Variants in KRT6B observed in about 807,000 individuals in gnomAD.
KRT6B encodes the protein keratin 6B, also known as keratin, type II cytoskeletal 6B.
In KRT6B, 29 loss-of-function variants were observed where a neutral mutation model predicts 44.7. The observed-to-expected ratio is 0.65, with a 90% CI of 0.48 to 0.88. The LOEUF is 0.88. KRT6B is among the 40% of genes least tolerant of loss of function. KRT6B has a pLI of 0.00. For synonymous variants in KRT6B, 213 were observed against 296.0 expected, an observed-to-expected ratio of 0.72 and a Z score of 2.88; for missense variants, 600 against 724.0, an observed-to-expected ratio of 0.83 and a Z score of 1.97.
intron 5 of KRT6B, 99 bp downstream of exon 5, chr12:52,449,370 C>A: frequency 1.3e-6 from 2 of 1,562,696 alleles, no homozygotes; most frequent in Admixed American, 1.7e-5. Flanking sequence ...GAGAGGACCC[C>A]AGCTTCCTGT....
chr12:52,446,858 C>T lies in KRT6B; in HGVS notation c.*332G>A, dbSNP rs1205433505. On this transcript the variant is annotated 3_prime_UTR_variant, in exon 9 of 9. Coordinates refer to ENST00000252252, the MANE Select transcript of KRT6B (RefSeq NM_005555.4). The stretch of plus-strand genomic sequence containing the variant: ...ATGGTTAGCAATTAAAGAGAGGACT[C>T]CTCATCTGCAGCTGGACCTAGACTG... 2 of 393,908 alleles carry T rather than the reference C, an allele frequency of 5.1e-6. No individual in the cohort carries two copies. Among genetic ancestry groups the T allele is most frequent in the African/African-American group, 2.0e-5 (1 of 49,456 alleles). 24.4% of individuals were successfully genotyped at this position (393,908 alleles called of 1,614,324 possible).
rs371758517 is a variant in KRT6B at position 52,447,206 on chromosome 12, T to C, written c.1679A>G (p.Lys560Arg). Residue 560 changes from lysine to arginine, a missense_variant, in exon 9 of 9, where the codon AAG becomes AGG. Around this residue, in one of 4 missense-constraint regions of KRT6B, gnomAD observed 479 missense variants for 454.2 expected, o/e 1.05. Transcript: ENST00000252252. ...KYTTTSSSSRKSYKH is the reference protein window; with the variant it reads ...KYTTTSSSSRRSYKH The stretch of plus-strand genomic sequence containing the variant: ...GGCAGCACTTCAGTGCTTGTAGCTC[T>C]TCCTGCTGGAGGAGGAGGTGGTGGT... 1 of 1,614,124 alleles carries C rather than the reference T, an allele frequency of 6.2e-7. No homozygotes were observed. Among genetic ancestry groups the C allele is most frequent in the Non-Finnish European group, 8.5e-7 (1 of 1,179,996 alleles).
Position 52,447,204 on chromosome 12 carries a change from T to C in KRT6B, c.1681A>G (p.Ser561Gly), listed in dbSNP as rs1164262924. ...YTTTSSSSRK[S>G]YKH Reference sequence around the variant, plus strand: ...GCGGCAGCACTTCAGTGCTTGTAGCTCTTCCTGCTGGAGGAGGAGGTGGTG... The same window carrying C: ...GCGGCAGCACTTCAGTGCTTGTAGCCCTTCCTGCTGGAGGAGGAGGTGGTG... Residue 561 changes from serine to glycine, a missense_variant, in exon 9 of 9, where the codon AGC becomes GGC. This residue lies in a region of KRT6B where 479 missense variants were observed against 454.2 expected (regional missense o/e 1.05). Transcript: ENST00000252252. The C allele has an allele frequency of 1.9e-6, 3 of 1,614,082 alleles. No homozygotes were observed. The highest frequency in any genetic ancestry group is 1.7e-4 in the Middle Eastern group (1 of 6,048).
rs373180894 is a variant in KRT6B at position 52,449,460 on chromosome 12, C to T, written c.1077+9G>A. 6.6e-5 allele frequency: 106 copies of T among 1,614,222 alleles called. No individual in the cohort carries two copies. In the African/African-American group the frequency reaches 7.3e-4, roughly 11 times the overall value. ...AGGATTCCTCAGCGGCTGTCCACTC[C>T]GTGCTCACCTTTGTCTGGTACCAGG... On this transcript the variant is annotated intron_variant, in intron 5 of 8. Transcript: ENST00000252252.
At chr12:52,450,778 C>G (rs1334258732) in intron 1 of KRT6B, among the ~76,000 whole-genome samples, 158 bp from the exon 2 acceptor site, 1 of 152,238 alleles carries the variant, frequency 6.6e-6, no homozygotes, top group Admixed American at 6.5e-5. Context: ...AACTCCTTCT[C>G]CTTTGCACCC....
At chr12:52,447,716 G>A in intron 7 of KRT6B, 62 bp downstream of exon 7, 2 of 1,614,126 alleles carry the variant, frequency 1.2e-6, no homozygotes, top group Non-Finnish European at 1.7e-6. Context: ...TTAAAGTTGT[G>A]CTCAGTGCCA....
chr12:52,452,059 G>A lies in KRT6B; in HGVS notation c.20C>T (p.Thr7Ile), dbSNP rs759200378. 3 of 1,614,166 alleles carry A rather than the reference G, an allele frequency of 1.9e-6. No individual in the cohort carries two copies. The Admixed American group carries it at 5.0e-5, about 27-fold the overall frequency. The change falls in exon 1 of 9, where the codon ACC becomes ATC. Residue 7 changes from threonine to isoleucine, a missense_variant. This residue lies in a region of KRT6B where 78 missense variants were observed against 97.5 expected (regional missense o/e 0.80). Coordinates refer to ENST00000252252, the MANE Select transcript of KRT6B (RefSeq NM_005555.4). ...GCGGCTGCTGCTGTGGCTCCTGATG[G>A]TGGTGGATGTGCTGGCCATGGTTCC... MASTSTTIRSHSSSRRG... is the reference protein window; with the variant it reads MASTSTIIRSHSSSRRG...
intron 1 of KRT6B, among the ~76,000 whole-genome samples, chr12:52,450,959 G>A (rs1172836131): frequency 6.6e-6 from 1 of 151,958 alleles, no homozygotes; most frequent in African/African-American, 2.4e-5. Context: ...TTTTTTTACC[G>A]AGAGGATCTT....
At chr12:52,449,321 G>A (rs577727096) in intron 5 of KRT6B, 148 bp downstream of exon 5, 52 of 1,315,508 alleles carry the variant, frequency 4.0e-5, no homozygotes, top group South Asian at 1.1e-4. Context: ...CATAAGTTCC[G>A]CAAATGTCTA....
In KRT6B at chr12:52,450,433, T is replaced by G. The variant is rs760396362; in HGVS notation, c.728A>C (p.Gln243Pro). The G allele has an allele frequency of 2.5e-6, 4 of 1,614,102 alleles. No homozygotes were observed. The African/African-American group carries it at 4.0e-5, about 16-fold the overall frequency. Reference protein sequence around the residue: ...GRLDSELRNMQDLVEDLKNKY... With the variant: ...GRLDSELRNMPDLVEDLKNKY... ...GTTCTTGAGGTCCTCCACCAGGTCC[T>G]GCATGTTTCTCAGCTCCGAGTCCAG... Residue 243 changes from glutamine to proline, a missense_variant, in exon 2 of 9, where the codon CAG becomes CCG. Physicochemically the swap from Gln to Pro is moderately conservative, Grantham distance 76 (BLOSUM62 -1). Transcript: ENST00000252252.
Position 52,448,914 on chromosome 12 carries a change from G to T in KRT6B, c.1131C>A (p.Thr377=), listed in dbSNP as rs1940353662. ...GGTTGATCTCAGCAATCTCCTGCTT[G>T]GTGTTGCGCAGGTCGTCCCCATGTC... ...AGRHGDDLRN[T]KQEIAEINRM... The change falls in exon 6 of 9, where the codon ACC becomes ACA. Residue 377 remains threonine (T), a synonymous_variant. Transcript: ENST00000252252. 1.2e-6 allele frequency: 2 copies of T among 1,613,748 alleles called. No individual in the cohort carries two copies. Among genetic ancestry groups the T allele is most frequent in the East Asian group, 2.2e-5 (1 of 44,874 alleles).
chr12:52,452,070 G>T lies in KRT6B; in HGVS notation c.9C>A (p.Ser3Arg). MA[S>R]TSTTIRSHSS... ...TGTGGCTCCTGATGGTGGTGGATGT[G>T]CTGGCCATGGTTCCAGGAGATGAGA... is the stretch of plus-strand genomic sequence containing the variant. The change falls in exon 1 of 9, where the codon AGC (serine) becomes AGA (arginine). Residue 3 changes from serine to arginine, a missense_variant. Ser to Arg is a moderately radical substitution (Grantham distance 110). Around this residue, in one of 4 missense-constraint regions of KRT6B, gnomAD observed 78 missense variants for 97.5 expected, o/e 0.80. Coordinates refer to ENST00000252252, the MANE Select transcript of KRT6B (RefSeq NM_005555.4). The T allele has an allele frequency of 1.2e-6, 2 of 1,614,142 alleles. No individual in the cohort carries two copies. The highest frequency in any genetic ancestry group is 8.5e-7 in the Non-Finnish European group (1 of 1,180,024).
intron 1 of KRT6B, among the ~76,000 whole-genome samples, chr12:52,450,870 A>G (rs536927622): frequency 6.6e-6 from 1 of 152,386 alleles, no homozygotes; most frequent in East Asian, 1.9e-4. Flanking sequence ...GTGAGTTTCA[A>G]CATTTCTTCT....
rs752039509 is a variant in KRT6B, at chr12:52,451,869, G to T, written c.210C>A (p.Ile70=). ...TGGCACAGCTGCCCCCTCCAATGGA[G>T]ATCCTCTTGGAGCCCCCCAGGCCAT... The part of the protein sequence containing the change: ...SLYGLGGSKR[I]SIGGGSCAIS... The change falls in exon 1 of 9, where the codon ATC becomes ATA. Residue 70 remains isoleucine, a synonymous_variant. Coordinates refer to ENST00000252252, the MANE Select transcript of KRT6B (RefSeq NM_005555.4). The T allele has an allele frequency of 6.2e-7, 1 of 1,612,252 alleles. No individual in the cohort carries two copies. Among genetic ancestry groups the T allele is most frequent in the Admixed American group, 1.7e-5 (1 of 60,020 alleles).
In KRT6B at chr12:52,446,897, A is replaced by G. The variant is rs1565798610; in HGVS notation, c.*293T>C. ...GGACCTAGACTGAGTTTCAGTTCTTATGGGGATATAGGTCATTTTCTTCTC... is the reference window on the plus strand; with the variant it reads ...GGACCTAGACTGAGTTTCAGTTCTTGTGGGGATATAGGTCATTTTCTTCTC... On this transcript the variant is annotated 3_prime_UTR_variant, in exon 9 of 9. Transcript: ENST00000252252. The G allele has an allele frequency of 8.3e-6, 4 of 479,444 alleles. No individual in the cohort carries two copies. The highest frequency in any genetic ancestry group is 1.5e-5 in the Non-Finnish European group (4 of 265,566). The allele number at this position is 479,444 out of a possible 1,614,324, so 29.7% of individuals were successfully genotyped here.
intron 8 of KRT6B, 48 bp from the exon 9 acceptor site, chr12:52,447,473 C>A (rs755447619): frequency 6.2e-7 from 1 of 1,614,034 alleles, no homozygotes; most frequent in East Asian, 2.2e-5. Flanking sequence ...ATGAGTTCAT[C>A]CTGCCGGCCT....
chr12:52,449,958 A>C lies in KRT6B; in HGVS notation c.816+54T>G. The C allele has an allele frequency of 2.5e-6, 4 of 1,613,918 alleles. No individual in the cohort carries two copies. In the South Asian group the frequency reaches 4.4e-5, roughly 18 times the overall value. On this transcript the variant is annotated intron_variant, in intron 3 of 8. Coordinates refer to ENST00000252252, the MANE Select transcript of KRT6B (RefSeq NM_005555.4). ...TCCTCTCCCAGGGGAGCGAGGACACAGAGCCACTTCTCTCCTTCTAAATGA... is the reference window on the plus strand; with the variant it reads ...TCCTCTCCCAGGGGAGCGAGGACACCGAGCCACTTCTCTCCTTCTAAATGA...
chr12:52,450,257 T>C, intron 2 of KRT6B, 149 bp downstream of exon 2: 1 of 1,431,644 alleles, frequency 7.0e-7, no homozygotes, highest in Admixed American at 1.8e-5. Flanking sequence ...CATCCTCCCA[T>C]AACCATCTGT....
intron 2 of KRT6B, 142 bp downstream of exon 2, chr12:52,450,264 C>A (rs1940376287): frequency 3.5e-6 from 5 of 1,433,212 alleles, no homozygotes; most frequent in Non-Finnish European, 1.9e-6. Context: ...CCATAACCAT[C>A]TGTGGTTCTT....
Sources: gnomAD v4.1 joint callset for allele counts (sites outside exome capture counted in the v4.1 genomes callset) on GRCh38, gnomAD v4.1.1 for gene constraint, gnomAD v4.1.1 regional missense constraint, MANE v1.5 for transcripts, NCBI Gene and HGNC (gene_info 2026-07-23, HGNC 2026-07-21) for gene names.